Variants in ARAP3 observed in about 807,000 individuals in gnomAD.
The protein encoded by ARAP3 is arf-GAP with Rho-GAP domain, ANK repeat and PH domain-containing protein 3.
In ARAP3, 82 loss-of-function variants were observed where a neutral mutation model predicts 169.2. The ratio of observed to expected loss-of-function variants is 0.48; its 90% confidence interval spans 0.41 to 0.58. The LOEUF (loss-of-function observed/expected upper bound fraction) is 0.58, where lower values mean the gene tolerates loss of function less well. Among genes scored for constraint, ARAP3 ranks in the 20% least tolerant of loss-of-function variants. The probability of loss-of-function intolerance (pLI) is 0.00; values close to 1 mark genes in which losing one functional copy is unlikely to be tolerated. For missense variants in ARAP3, 1,764 were observed against 2,018.0 expected, an observed-to-expected ratio of 0.87 and a Z score of 2.41; for synonymous variants, 791 against 800.3, an observed-to-expected ratio of 0.99 and a Z score of 0.20.
intron 14 of ARAP3, among the ~76,000 whole-genome samples, chr5:141,670,307 C>A (rs977726886): frequency 6.6e-6 from 1 of 152,124 alleles, no homozygotes; most frequent in African/African-American, 2.4e-5. Context: ...TTGACCCAGA[C>A]AGTCTGACTT....
At position 141,671,772 on chromosome 5, in the gene ARAP3, A is replaced by T. The variant is rs2099911483; in HGVS notation, c.1672-20T>A. 6.3e-7 allele frequency: 1 copy of T among 1,597,226 alleles called. No homozygotes were observed. The highest frequency in any genetic ancestry group is 2.2e-5 in the East Asian group (1 of 44,728). The stretch of plus-strand genomic sequence containing the variant: ...GAATAACTGTGGGATGACAAGGGAC[A>T]AAGGCAGGTGACAGGAACTCAAGAG... On this transcript the variant is annotated intron_variant, in intron 11 of 32. Coordinates refer to ENST00000239440, the MANE Select transcript of ARAP3 (RefSeq NM_022481.6). The surrounding 1 kb of genome is among the most constrained non-coding windows in gnomAD (Gnocchi z 4.9).
At position 141,672,085 on chromosome 5, in the gene ARAP3, T is replaced by C. The variant is rs1330713323; in HGVS notation, c.1585+17A>G. On this transcript the variant is annotated intron_variant, in intron 10 of 32. Coordinates refer to ENST00000239440, the MANE Select transcript of ARAP3 (RefSeq NM_022481.6). The surrounding 1 kb of genome is among the most constrained non-coding windows in gnomAD (Gnocchi z 4.9). ...CAGCCCTCCTGTTCCCCACATGGGCTTGAGGCCATTCCTCACCTGCACACT... is the reference window on the plus strand; with the variant it reads ...CAGCCCTCCTGTTCCCCACATGGGCCTGAGGCCATTCCTCACCTGCACACT... The C allele has an allele frequency of 3.7e-6, 6 of 1,614,040 alleles. No individual in the cohort carries two copies. Among genetic ancestry groups the C allele is most frequent in the South Asian group, 2.2e-5 (2 of 91,094 alleles).
rs2099911491 is a variant in ARAP3 at position 141,671,828 on chromosome 5, T to A, written c.1671+67A>T. 1.1e-5 allele frequency: 17 copies of A among 1,611,906 alleles called. No individual in the cohort carries two copies. The highest frequency in any genetic ancestry group is 1.4e-5 in the Non-Finnish European group (17 of 1,178,406). The stretch of plus-strand genomic sequence containing the variant: ...AGATGTTCCATTCCTGTCCCCAGGC[T>A]GGCCCAAGGCCTGCTTCTGGACGCT... On this transcript the variant is annotated intron_variant, in intron 11 of 32. Transcript: ENST00000239440. The surrounding 1 kb of genome is among the most constrained non-coding windows in gnomAD (Gnocchi z 4.9).
rs1217183062 is a variant in ARAP3 at position 141,656,780 on chromosome 5, G to A, written c.3593C>T (p.Pro1198Leu). The A allele has an allele frequency of 6.2e-7, 1 of 1,612,420 alleles. No individual in the cohort carries two copies. Among genetic ancestry groups the A allele is most frequent in the Non-Finnish European group, 8.5e-7 (1 of 1,179,280 alleles). Residue 1198 changes from proline (P) to leucine (L), a missense_variant, in exon 26 of 33, where the codon CCC (proline) becomes CTC (leucine). This residue lies in a region of ARAP3 where 1,112 missense variants were observed against 1,285.7 expected (regional missense o/e 0.86). Coordinates refer to ENST00000239440, the MANE Select transcript of ARAP3 (RefSeq NM_022481.6). ...QALQWCQLPE[P>L]CSASLLLKKV... ...TTTCAAGAGCAGGGAAGCTGAGCAG[G>A]GCTCTGGGAGCTGGCACCATTGTAA...
chr5:141,654,317 G>A lies in ARAP3; in HGVS notation c.4268C>T (p.Thr1423Ile), dbSNP rs2099908912. 1.9e-6 allele frequency: 3 copies of A among 1,614,034 alleles called. No individual in the cohort carries two copies. The South Asian group carries it at 3.3e-5, about 18-fold the overall frequency. ...AFPELIQDTSTSFSTTREWTV... is the reference protein window; with the variant it reads ...AFPELIQDTSISFSTTREWTV... ...CCACTCCCGTGTGGTGGAGAAGGAG[G>A]TAGAAGTGTCCTGGATCAACTCAGG... The change falls in exon 33 of 33, where the codon ACC (threonine) becomes ATC (isoleucine). Residue 1423 changes from threonine to isoleucine, a missense_variant. Physicochemically the swap from Thr to Ile is moderately conservative, Grantham distance 89. This residue lies in a region of ARAP3 where 1,112 missense variants were observed against 1,285.7 expected (regional missense o/e 0.86). Coordinates refer to ENST00000239440, the MANE Select transcript of ARAP3 (RefSeq NM_022481.6).
chr5:141,679,651 T>A lies in ARAP3; in HGVS notation c.592A>T (p.Ile198Phe). The A allele has an allele frequency of 6.2e-7, 1 of 1,614,068 alleles. No homozygotes were observed. Among genetic ancestry groups the A allele is most frequent in the Non-Finnish European group, 8.5e-7 (1 of 1,179,990 alleles). The stretch of plus-strand genomic sequence containing the variant: ...TAGTACAGGCAACCAGGATCCATGA[T>A]GTGCACTGGCAGGAGGAGAGGGGAA... Reference protein sequence around the residue: ...ALRPTTGTVHIMDPGCLYYGV... With the variant: ...ALRPTTGTVHFMDPGCLYYGV... Residue 198 changes from isoleucine (I) to phenylalanine (F), a missense_variant, in exon 4 of 33, where the codon ATC (isoleucine) becomes TTC (phenylalanine). Physicochemically the swap from Ile to Phe is conservative, Grantham distance 21. This residue lies in a region of ARAP3 where 630 missense variants were observed against 678.7 expected (regional missense o/e 0.93). Coordinates refer to ENST00000239440, the MANE Select transcript of ARAP3 (RefSeq NM_022481.6).
At chr5:141,660,548 G>A (rs916083838) in intron 21 of ARAP3, among the ~76,000 whole-genome samples, 1 of 151,610 alleles carries the variant, frequency 6.6e-6, no homozygotes, top group Non-Finnish European at 1.5e-5. Flanking sequence ...TACACTTTAT[G>A]TACAAAACTT....
intron 1 of ARAP3, among the ~76,000 whole-genome samples, chr5:141,680,986 C>G (rs1010624266): frequency 1.3e-5 from 2 of 152,132 alleles, no homozygotes; most frequent in African/African-American, 4.8e-5. Context: ...TGCAGACGCC[C>G]CCTCCCTCTT....
intron 25 of ARAP3, among the ~76,000 whole-genome samples, 189 bp downstream of exon 25, chr5:141,658,176 A>C (rs1191096602): frequency 6.6e-6 from 1 of 152,160 alleles, no homozygotes; most frequent in African/African-American, 2.4e-5. Context: ...CACTAAGGCC[A>C]AGATGGAAGA....
chr5:141,679,222 G>T (rs755105816), intron 4 of ARAP3, among the ~76,000 whole-genome samples: 3 of 152,200 alleles, frequency 2.0e-5, no homozygotes, highest in African/African-American at 7.2e-5. Flanking sequence ...CCAGGAGGGG[G>T]AGGTTGCAGT....
intron 29 of ARAP3, 23 bp downstream of exon 29, chr5:141,656,041 A>G: frequency 6.2e-7 from 1 of 1,614,134 alleles, no homozygotes; most frequent in Non-Finnish European, 8.5e-7. Context: ...GCCAGAGGAG[A>G]AGCCAGGGCA....
At position 141,672,479 on chromosome 5, in the gene ARAP3, C is replaced by G. The variant is rs1222048861; in HGVS notation, c.1385+73G>C. The G allele has an allele frequency of 3.9e-6, 6 of 1,536,556 alleles. No individual in the cohort carries two copies. The highest frequency in any genetic ancestry group is 3.7e-5 in the Admixed American group (2 of 54,472). On this transcript the variant is annotated intron_variant, in intron 9 of 32. Coordinates refer to ENST00000239440, the MANE Select transcript of ARAP3 (RefSeq NM_022481.6). The surrounding 1 kb of genome is among the most constrained non-coding windows in gnomAD (Gnocchi z 4.9). ...ACCCTCTGACGTCCTACTAAAGAGG[C>G]CTCTAGTCCTCTGCACCCTTGTGCC... is the stretch of plus-strand genomic sequence containing the variant.
rs774151398 is a variant in ARAP3, at chr5:141,679,974, T to C, written c.513A>G (p.Ala171=). 24 of 1,614,074 alleles carry C rather than the reference T, an allele frequency of 1.5e-5. No homozygotes were observed. In the African/African-American group the frequency reaches 2.8e-4, roughly 19 times the overall value. ...CCAACTCCACTCACTTGTCCTGAGC[T>C]GCCTGTGCCCTGCCTCTTGAGTCCA... The part of the protein sequence containing the change: ...FGLDSRGRAQ[A]AQDKAPDSSQ... Residue 171 remains alanine (A), a synonymous_variant, in exon 2 of 33, where the codon GCA becomes GCG. Transcript: ENST00000239440.
At chr5:141,667,153 C>T (rs1399778976) in intron 16 of ARAP3, among the ~76,000 whole-genome samples, 5 of 151,924 alleles carry the variant, frequency 3.3e-5, no homozygotes, top group African/African-American at 9.7e-5. Flanking sequence ...CCTTGGCCTC[C>T]CAAAGTCCTG....
Position 141,656,055 on chromosome 5 carries a change from G to A in ARAP3, c.3908+9C>T, listed in dbSNP as rs768207195. 6.2e-7 allele frequency: 1 copy of A among 1,614,166 alleles called. No homozygotes were observed. The highest frequency in any genetic ancestry group is 8.5e-7 in the Non-Finnish European group (1 of 1,180,044). ...GGCCAGAGGAGAAGCCAGGGCAGGA[G>A]GTACTCACAGGTGCATCTTCTCTAG... On this transcript the variant is annotated intron_variant, in intron 29 of 32. Transcript: ENST00000239440.
In ARAP3 at chr5:141,666,581, T is replaced by C. The variant is rs982055034; in HGVS notation, c.2415A>G (p.Leu805=). The change falls in exon 17 of 33, where the codon CTA becomes CTG. Residue 805 remains leucine, a synonymous_variant. Transcript: ENST00000239440. ...CTGTATGGGAGGGGGACCGCAGCCA[T>C]AGGCGGCCCAGCCGCAGCAGCCCGG... ...LGPGLLRLGR[L]WLRSPSHTAP... 1 of 1,534,254 alleles carries C rather than the reference T, an allele frequency of 6.5e-7. No individual in the cohort carries two copies. Among genetic ancestry groups the C allele is most frequent in the Non-Finnish European group, 8.8e-7 (1 of 1,141,536 alleles).
chr5:141,667,261 T>A (rs940160684), intron 16 of ARAP3, among the ~76,000 whole-genome samples: 4 of 151,892 alleles, frequency 2.6e-5, no homozygotes, highest in African/African-American at 9.7e-5. Context: ...CCCTGGGAAA[T>A]CCCACCACCC....
At position 141,671,256 on chromosome 5, in the gene ARAP3, G is replaced by A; in HGVS notation, c.1990+9C>T. ...TGTAGGGGAGAGAGGAGGCACTTGG[G>A]GGAATGACCTGAGGGCAAGAGGCCA... On this transcript the variant is annotated intron_variant, in intron 13 of 32. Transcript: ENST00000239440. The surrounding 1 kb of genome is among the most constrained non-coding windows in gnomAD (Gnocchi z 4.9). 1 of 1,590,668 alleles carries A rather than the reference G, an allele frequency of 6.3e-7. No homozygotes were observed. Among genetic ancestry groups the A allele is most frequent in the Non-Finnish European group, 8.6e-7 (1 of 1,169,200 alleles).
At chr5:141,666,375 A>G (rs1243925599) in intron 17 of ARAP3, 49 bp downstream of exon 17, 6 of 1,413,532 alleles carry the variant, frequency 4.2e-6, no homozygotes, top group Non-Finnish European at 5.6e-6. Flanking sequence ...GCTTCCATGC[A>G]CCCGCATGGC....
Sources: gnomAD v4.1 joint callset for allele counts (sites outside exome capture counted in the v4.1 genomes callset) on GRCh38, gnomAD v4.1.1 for gene constraint, gnomAD v4.1.1 regional missense constraint, Gnocchi (gnomAD v3.1) non-coding constraint, MANE v1.5 for transcripts, NCBI Gene and HGNC (gene_info 2026-07-23, HGNC 2026-07-21) for gene names.